Variants in MVK observed in about 807,000 individuals in gnomAD.
MVK encodes mevalonate kinase.
In MVK, 34 loss-of-function variants were observed where a neutral mutation model predicts 43.2. That is an observed-to-expected ratio of 0.79 (90% CI 0.60 to 1.05). The LOEUF (loss-of-function observed/expected upper bound fraction) is 1.05. Among genes scored for constraint, MVK ranks in the 50% least tolerant of loss-of-function variants. The pLI is 0.00. For synonymous variants in MVK, 190 were observed against 219.8 expected (o/e 0.86, Z 1.20); for missense variants, 395 against 504.0 (o/e 0.78, Z 2.07).
chr12:109,578,540 C>G (rs1410943133), intron 3 of MVK, among the ~76,000 whole-genome samples: 2 of 152,156 alleles, frequency 1.3e-5, no homozygotes, highest in Admixed American at 1.3e-4. Flanking sequence ...AATTAAAGTT[C>G]AGAGGTCAAG....
chr12:109,586,880 T>C (rs994989898), intron 7 of MVK, 81 bp downstream of exon 7: 178 of 1,551,280 alleles, frequency 1.1e-4, no homozygotes, highest in Non-Finnish European at 1.6e-4. Flanking sequence ...CTTTGGGAAG[T>C]ACCATAGGAG....
chr12:109,577,628 T>C (rs752304341), intron 3 of MVK, among the ~76,000 whole-genome samples: 58 of 152,184 alleles, frequency 3.8e-4, no homozygotes, highest in Non-Finnish European at 3.1e-4. Flanking sequence ...AAATCCTCAT[T>C]TTAGAGCAGC....
At chr12:109,580,245 G>C (rs1485818452) in intron 4 of MVK, among the ~76,000 whole-genome samples, 6 of 152,120 alleles carry the variant, frequency 3.9e-5, no homozygotes, top group African/African-American at 1.4e-4. Flanking sequence ...TGGGACTACA[G>C]GTGCGCACCA....
rs1486075559 is a variant in MVK, at chr12:109,597,960, C to T, written c.*1383C>T. The T allele has an allele frequency of 6.6e-6, 1 of 152,232 alleles. No homozygotes were observed. The highest frequency in any genetic ancestry group is 2.4e-5 in the African/African-American group (1 of 41,434). The allele number at this position is 152,232 out of a possible 1,614,324, so 9.4% of individuals were successfully genotyped here. Reference sequence around the variant, plus strand: ...AGCCGAGCTCCACCCCCACGCCAGCCTTGGGCCCGGCCTGGGATCACTGCT... The same window carrying T: ...AGCCGAGCTCCACCCCCACGCCAGCTTTGGGCCCGGCCTGGGATCACTGCT... On this transcript the variant is annotated 3_prime_UTR_variant, in exon 11 of 11. Coordinates refer to ENST00000228510, the MANE Select transcript of MVK (RefSeq NM_000431.4).
intron 3 of MVK, among the ~76,000 whole-genome samples, chr12:109,576,668 C>T (rs1487919680): frequency 1.3e-5 from 2 of 151,856 alleles, no homozygotes; most frequent in Non-Finnish European, 2.9e-5. Flanking sequence ...GTCAGGAGTT[C>T]GAGACCAGCC....
chr12:109,586,387 A>G (rs1836058993), intron 6 of MVK, among the ~76,000 whole-genome samples: 1 of 152,146 alleles, frequency 6.6e-6, no homozygotes, highest in Non-Finnish European at 1.5e-5. Flanking sequence ...TAGGTTCAGG[A>G]TGCAGAGCCG....
rs1209981675 is a variant in MVK at position 109,596,947 on chromosome 12, C to T, written c.*370C>T. ...TGCTCAGGTGCTGGGGCCTGGTTCC[C>T]GGAGAAGTGTGCCTTCTCTCTCCCT... On this transcript the variant is annotated 3_prime_UTR_variant, in exon 11 of 11. Coordinates refer to ENST00000228510, the MANE Select transcript of MVK (RefSeq NM_000431.4). 5.0e-5 allele frequency: 17 copies of T among 338,298 alleles called. No homozygotes were observed. Among genetic ancestry groups the T allele is most frequent in the East Asian group, 2.2e-4 (3 of 13,434 alleles). 21.0% of individuals were successfully genotyped at this position (338,298 alleles called of 1,614,324 possible). A position where few individuals can be genotyped will look rare whatever the true frequency, so the allele number is the denominator to read the frequency against.
chr12:109,573,614 A>T, upstream of MVK: 1 of 1,081,154 alleles, frequency 9.2e-7, no homozygotes, highest in Non-Finnish European at 1.4e-6. Flanking sequence ...CCAGGGCGGG[A>T]CACTCCCAGG....
At position 109,595,945 on chromosome 12, in the gene MVK, G is replaced by T. The variant is rs1029155760; in HGVS notation, c.1040-481G>T. ...AGGAGGTGGCCACATCCTCACTCCA[G>T]CCAACCCCAACTGTTGGTTCCTAGT... On this transcript the variant is annotated intron_variant, in intron 10 of 10. Transcript: ENST00000228510. The surrounding 1 kb of genome is among the most constrained non-coding windows in gnomAD (Gnocchi z 5.9). Among the ~76,000 whole-genome samples, 2 of 152,144 alleles carry T rather than the reference G, an allele frequency of 1.3e-5. No homozygotes were observed. Among genetic ancestry groups the T allele is most frequent in the African/African-American group, 2.4e-5 (1 of 41,424 alleles).
At position 109,595,623 on chromosome 12, in the gene MVK, G is replaced by T. The variant is rs1885887023; in HGVS notation, c.1039+442G>T. 6.6e-6 allele frequency among the ~76,000 whole-genome samples: 1 copy of T among 152,086 alleles called. No individual in the cohort carries two copies. Among genetic ancestry groups the T allele is most frequent in the Non-Finnish European group, 1.5e-5 (1 of 68,028 alleles). On this transcript the variant is annotated intron_variant, in intron 10 of 10. Coordinates refer to ENST00000228510, the MANE Select transcript of MVK (RefSeq NM_000431.4). The surrounding 1 kb of genome is among the most constrained non-coding windows in gnomAD (Gnocchi z 5.9). The stretch of plus-strand genomic sequence containing the variant: ...GGGGAAAGAGGAAGACCGAGTAATG[G>T]GCTTGGCTTAGGAAGCTCCCTGGTG...
In MVK at chr12:109,595,730, A is replaced by G. The variant is rs1455214306; in HGVS notation, c.1039+549A>G. 6.6e-6 allele frequency among the ~76,000 whole-genome samples: 1 copy of G among 152,166 alleles called. No homozygotes were observed. The highest frequency in any genetic ancestry group is 1.9e-4 in the East Asian group (1 of 5,184). ...GCCCTCAGGCTCGCTCCTGGCCTAC[A>G]GTAGGCACTAACCGGTCCCACCTGC... is the stretch of plus-strand genomic sequence containing the variant. On this transcript the variant is annotated intron_variant, in intron 10 of 10. Transcript: ENST00000228510. The surrounding 1 kb of genome is among the most constrained non-coding windows in gnomAD (Gnocchi z 5.9).
intron 5 of MVK, among the ~76,000 whole-genome samples, chr12:109,582,905 C>A (rs935300082): frequency 1.3e-5 from 2 of 152,110 alleles, no homozygotes; most frequent in African/African-American, 4.8e-5. Context: ...GTCTGGAATG[C>A]ACCCCACACA....
In MVK at chr12:109,576,067, G is replaced by A; in HGVS notation, c.148G>A (p.Asp50Asn). Residue 50 changes from aspartate (D) to asparagine (N), a missense_variant, in exon 3 of 11, where the codon GAC (aspartate) becomes AAC (asparagine). Coordinates refer to ENST00000228510, the MANE Select transcript of MVK (RefSeq NM_000431.4). ...TCAACCCCACAGCAATGGGAAAGTG[G>A]ACCTCAGCTTACCCAACATTGGTAT... is the stretch of plus-strand genomic sequence containing the variant. ...RLQPHSNGKV[D>N]LSLPNIGIKR... The A allele has an allele frequency of 6.2e-7, 1 of 1,614,156 alleles. No individual in the cohort carries two copies. Among genetic ancestry groups the A allele is most frequent in the Non-Finnish European group, 8.5e-7 (1 of 1,180,012 alleles).
At chr12:109,587,202 G>C in intron 7 of MVK, 1 of 279,100 alleles carries the variant, frequency 3.6e-6, no homozygotes. Flanking sequence ...GCTTGTGGGG[G>C]TGGGGCCAGA....
In MVK at chr12:109,581,671, C is replaced by T. The variant is rs1456366588; in HGVS notation, c.527+121C>T. 4 of 1,422,452 alleles carry T rather than the reference C, an allele frequency of 2.8e-6. No individual in the cohort carries two copies. The African/African-American group carries it at 5.6e-5, about 20-fold the overall frequency. 88.1% of individuals were successfully genotyped at this position (1,422,452 alleles called of 1,614,324 possible). On this transcript the variant is annotated intron_variant, in intron 5 of 10. Transcript: ENST00000228510. The stretch of plus-strand genomic sequence containing the variant: ...AGAGGTGTCATAGTGGCCATTTTAA[C>T]ATGAGGAAGCTGAGCCCCGAGAGGT...
At chr12:109,577,609 G>A (rs1885015302) in intron 3 of MVK, among the ~76,000 whole-genome samples, 1 of 152,176 alleles carries the variant, frequency 6.6e-6, no homozygotes, top group Non-Finnish European at 1.5e-5. Flanking sequence ...GAGCCACTGT[G>A]CCCAGCCAAA....
intron 5 of MVK, among the ~76,000 whole-genome samples, chr12:109,584,223 G>C (rs892627901): frequency 6.6e-6 from 1 of 152,206 alleles, no homozygotes; most frequent in Non-Finnish European, 1.5e-5. Context: ...CTAATCAATA[G>C]TATGTTAACT....
At chr12:109,591,806 T>G (rs1030393788) in intron 9 of MVK, among the ~76,000 whole-genome samples, 8 of 152,210 alleles carry the variant, frequency 5.3e-5, no homozygotes, top group Non-Finnish European at 1.0e-4. Flanking sequence ...CCTAACATTG[T>G]TTTTTCATCA....
intron 1 of MVK, among the ~76,000 whole-genome samples, 185 bp downstream of exon 1, chr12:109,574,058 G>T (rs1358293193): frequency 1.3e-5 from 2 of 152,206 alleles, no homozygotes; most frequent in Non-Finnish European, 2.9e-5. Context: ...CCCGCTCTGA[G>T]CCTCAGTTTT....
Sources: gnomAD v4.1 joint callset for allele counts (sites outside exome capture counted in the v4.1 genomes callset) on GRCh38, gnomAD v4.1.1 for gene constraint, Gnocchi (gnomAD v3.1) non-coding constraint, MANE v1.5 for transcripts, NCBI Gene and HGNC (gene_info 2026-07-23, HGNC 2026-07-21) for gene names.